Variants in HSPH1 observed in about 807,000 individuals in gnomAD.
HSPH1 encodes heat shock protein family H (Hsp110) member 1.
In HSPH1, 40 loss-of-function variants were observed where a neutral mutation model predicts 100.0. The ratio of observed to expected loss-of-function variants is 0.40; its 90% CI spans 0.31 to 0.52. HSPH1 has a LOEUF of 0.52. Among genes scored for constraint, HSPH1 ranks in the 20% least tolerant of loss-of-function variants. The pLI is 0.54. For missense variants in HSPH1, 876 were observed against 1,015.1 expected (o/e 0.86, Z 1.86); for synonymous variants, 403 against 344.0 (o/e 1.17, Z -1.90).
intron 14 of HSPH1, among the ~76,000 whole-genome samples, chr13:31,139,511 G>A (rs1315713521): frequency 6.6e-6 from 1 of 151,970 alleles, no homozygotes; most frequent in African/African-American, 2.4e-5. Context: ...GTCCTACCTG[G>A]TTCGGTCATC....
At position 31,137,265 on chromosome 13, in the gene HSPH1, T is replaced by C. The variant is rs1955913477; in HGVS notation, c.*53A>G. 4 of 1,116,498 alleles carry C rather than the reference T, an allele frequency of 3.6e-6. No individual in the cohort carries two copies. Among genetic ancestry groups the C allele is most frequent in the East Asian group, 2.4e-5 (1 of 42,504 alleles). The allele number at this position is 1,116,498 out of a possible 1,614,324, so 69.2% of individuals were successfully genotyped here. A position where few individuals can be genotyped will look rare whatever the true frequency, so the allele number is the denominator to read the frequency against. ...TTTCAGTATGTTATGTAGAGTCACATACTATGGCAAAAATATTTTATTAAT... is the reference window on the plus strand; with the variant it reads ...TTTCAGTATGTTATGTAGAGTCACACACTATGGCAAAAATATTTTATTAAT... On this transcript the variant is annotated 3_prime_UTR_variant, in exon 18 of 18. Coordinates refer to ENST00000320027, the MANE Select transcript of HSPH1 (RefSeq NM_006644.4).
rs757874930 is a variant in HSPH1, at chr13:31,150,927, C to T, written c.908+20G>A. The T allele has an allele frequency of 7.5e-6, 12 of 1,595,392 alleles. No homozygotes were observed. The highest frequency in any genetic ancestry group is 9.4e-6 in the Non-Finnish European group (11 of 1,171,136). On this transcript the variant is annotated intron_variant, in intron 7 of 17. Coordinates refer to ENST00000320027, the MANE Select transcript of HSPH1 (RefSeq NM_006644.4). ...TCAAAAGAAGTTCCATCTATTTAAT[C>T]TGTAGAATTCAAGACACACCTGTTC... is the stretch of plus-strand genomic sequence containing the variant.
intron 12 of HSPH1, 62 bp downstream of exon 12, chr13:31,143,730 A>G (rs1246732364): frequency 5.8e-6 from 8 of 1,368,618 alleles, no homozygotes; most frequent in South Asian, 1.7e-5. Flanking sequence ...CAATTTAATG[A>G]TATCATTAAT....
In HSPH1 at chr13:31,161,554, G is replaced by A. The variant is rs1262218076; in HGVS notation, c.29C>T (p.Ser10Leu). The A allele has an allele frequency of 2.5e-6, 4 of 1,613,798 alleles. No individual in the cohort carries two copies. Among genetic ancestry groups the A allele is most frequent in the Admixed American group, 1.7e-5 (1 of 60,020 alleles). Residue 10 changes from serine (S) to leucine (L), a missense_variant, in exon 1 of 18, where the codon TCG becomes TTG. Coordinates refer to ENST00000320027, the MANE Select transcript of HSPH1 (RefSeq NM_006644.4). MSVVGLDVG[S>L]QSCYIAVARA... ...GGCTACCGCGATGTAGCAGCTCTGC[G>A]AGCCCACGTCCAACCCCACCACCGA...
intron 10 of HSPH1, among the ~76,000 whole-genome samples, chr13:31,147,200 C>T (rs1956293977): frequency 1.3e-5 from 2 of 152,162 alleles, no homozygotes; most frequent in Admixed American, 6.5e-5. Flanking sequence ...TTATCAAAAT[C>T]TTACAAGTCT....
At chr13:31,152,722 G>C in intron 5 of HSPH1, 130 bp downstream of exon 5, 1 of 633,458 alleles carries the variant, frequency 1.6e-6, no homozygotes, top group Non-Finnish European at 2.8e-6. Flanking sequence ...TTAAGAGGTA[G>C]ACTTTTGTTT....
intron 7 of HSPH1, 110 bp downstream of exon 7, chr13:31,150,837 A>T: frequency 9.1e-7 from 1 of 1,096,860 alleles, no homozygotes; most frequent in Non-Finnish European, 1.3e-6. Context: ...GGCATGTAAC[A>T]CACAATTCTG....
intron 4 of HSPH1, among the ~76,000 whole-genome samples, chr13:31,153,639 A>C (rs1407040617): frequency 3.3e-5 from 5 of 152,210 alleles, no homozygotes; most frequent in African/African-American, 4.8e-5. Flanking sequence ...GTATCTAACA[A>C]CACATTCGTA....
chr13:31,147,588 C>A (rs1293435286), intron 10 of HSPH1, among the ~76,000 whole-genome samples: 1 of 152,054 alleles, frequency 6.6e-6, no homozygotes, highest in Non-Finnish European at 1.5e-5. Context: ...TTAGAAGTAA[C>A]AGACTGCAAA....
At chr13:31,157,553 G>C (rs1372194321) in intron 2 of HSPH1, among the ~76,000 whole-genome samples, 1 of 152,090 alleles carries the variant, frequency 6.6e-6, no homozygotes, top group African/African-American at 2.4e-5. Context: ...AATCTGACCT[G>C]ATTTTTTAAT....
chr13:31,156,911 T>C (rs9528333), intron 2 of HSPH1, among the ~76,000 whole-genome samples: 44,291 of 152,118 alleles, frequency 0.29, 6,846 homozygotes, highest in East Asian at 0.46. Context: ...AGGTAAACTC[T>C]AGATTGAAAA....
At position 31,135,499 on chromosome 13, in the gene HSPH1, T is replaced by A. The variant is rs942089099; in HGVS notation, c.*1819A>T. On this transcript the variant is annotated 3_prime_UTR_variant, in exon 18 of 18. Transcript: ENST00000320027. ...CTAGAAATTATAAAGTAGGGAAATG[T>A]TGAATAGCTGACATAAAGATTCTTA... The A allele has an allele frequency of 6.6e-6, 1 of 152,262 alleles. No individual in the cohort carries two copies. Among genetic ancestry groups the A allele is most frequent in the African/African-American group, 2.4e-5 (1 of 41,468 alleles). 9.4% of individuals were successfully genotyped at this position (152,262 alleles called of 1,614,324 possible).
chr13:31,143,817 T>C lies in HSPH1; in HGVS notation c.1691A>G (p.Glu564Gly). 6.2e-7 allele frequency: 1 copy of C among 1,610,128 alleles called. No individual in the cohort carries two copies. Among genetic ancestry groups the C allele is most frequent in the Non-Finnish European group, 8.5e-7 (1 of 1,177,946 alleles). ...TTTGTCAGCATCTGGGATTTTGTTTTCTTCTGAGGTAAGTTCAGGTGAAGG... is the reference window on the plus strand; with the variant it reads ...TTTGTCAGCATCTGGGATTTTGTTTCCTTCTGAGGTAAGTTCAGGTGAAGG... ...SPPSPELTSE[E>G]NKIPDADKAN... The change falls in exon 12 of 18, where the codon GAA becomes GGA. Residue 564 changes from glutamate (E) to glycine (G), a missense_variant. Glu to Gly is a moderately conservative substitution (Grantham distance 98, BLOSUM62 -2). Transcript: ENST00000320027.
At chr13:31,160,974 G>A (rs536671287) in intron 1 of HSPH1, among the ~76,000 whole-genome samples, 2 of 152,322 alleles carry the variant, frequency 1.3e-5, no homozygotes, top group South Asian at 2.1e-4. Context: ...AGTTCATTTC[G>A]AGATTCACAA....
At position 31,137,443 on chromosome 13, in the gene HSPH1, C is replaced by G; in HGVS notation, c.2452G>C (p.Gly818Arg). 1.9e-6 allele frequency: 3 copies of G among 1,613,432 alleles called. No individual in the cohort carries two copies. Among genetic ancestry groups the G allele is most frequent in the Non-Finnish European group, 1.7e-6 (2 of 1,179,608 alleles). ...ESPKLERTPN[G>R]PNIDKKEEDL... The stretch of plus-strand genomic sequence containing the variant: ...TCTTCCTTTTTATCAATATTTGGGC[C>G]ATTTGGAGTTCTTTCCAGTTTGGGT... Residue 818 changes from glycine to arginine, a missense_variant, in exon 18 of 18, where the codon GGC becomes CGC. By Grantham distance (125) the Gly-to-Arg change is moderately radical (BLOSUM62 -2). Coordinates refer to ENST00000320027, the MANE Select transcript of HSPH1 (RefSeq NM_006644.4).
chr13:31,152,974 G>A (rs1191811918), intron 4 of HSPH1, 23 bp from the exon 5 acceptor site: 3 of 1,458,126 alleles, frequency 2.1e-6, no homozygotes, highest in East Asian at 2.3e-5. Flanking sequence ...AAAAAATTTT[G>A]AATTATCTAG....
chr13:31,140,168 G>C lies in HSPH1; in HGVS notation c.1980+16C>G. ...ATATGAGACTATCTGAACAAAAACA[G>C]AGCTCTAAGACATACCTGCTCACAT... On this transcript the variant is annotated intron_variant, in intron 14 of 17. Coordinates refer to ENST00000320027, the MANE Select transcript of HSPH1 (RefSeq NM_006644.4). The C allele has an allele frequency of 6.2e-7, 1 of 1,600,042 alleles. No homozygotes were observed. Among genetic ancestry groups the C allele is most frequent in the South Asian group, 1.1e-5 (1 of 89,216 alleles).
intron 12 of HSPH1, among the ~76,000 whole-genome samples, chr13:31,141,649 A>AAC (rs1226746878): frequency 2.6e-5 from 4 of 152,074 alleles, no homozygotes; most frequent in Non-Finnish European, 5.9e-5. Context: ...ACCAGTACAA[A>AAC]ACACGTTAGG....
At chr13:31,155,742 A>G in intron 2 of HSPH1, 88 bp from the exon 3 acceptor site, 4 of 1,170,294 alleles carry the variant, frequency 3.4e-6, no homozygotes, top group Non-Finnish European at 4.9e-6. Flanking sequence ...TCACTTTACA[A>G]CTCAAACCAA....
Sources: allele counts gnomAD v4.1 joint callset (sites outside exome capture counted in the v4.1 genomes callset), GRCh38; gene constraint gnomAD v4.1.1; transcripts MANE v1.5; gene names NCBI Gene and HGNC (gene_info 2026-07-23, HGNC 2026-07-21).